NFASC: variants seen among roughly 807,000 people sequenced by gnomAD.
The protein encoded by NFASC is neurofascin, also known as neurofascin homolog.
A neutral mutation model predicts 147.5 loss-of-function variants in NFASC; 43 were observed. The observed-to-expected ratio is 0.29, with a 90% CI of 0.23 to 0.38. The LOEUF (loss-of-function observed/expected upper bound fraction) is 0.38. Ranked by LOEUF, NFASC falls within the 10% of genes least tolerant of loss-of-function variation. The pLI is 1.00. For missense variants in NFASC, 1,320 were observed against 1,689.0 expected (o/e 0.78, Z 3.83); for synonymous variants, 622 against 665.5 (o/e 0.93, Z 1.01).
chr1:204,850,234 A>G (rs564440659), intron 1 of NFASC, among the ~76,000 whole-genome samples: 5 of 152,106 alleles, frequency 3.3e-5, no homozygotes, highest in East Asian at 1.9e-4. Flanking sequence ...AGATTTTACA[A>G]CTCTGGGGGC....
intron 1 of NFASC, among the ~76,000 whole-genome samples, chr1:204,902,065 G>A (rs761397671): frequency 1.3e-5 from 2 of 152,262 alleles, no homozygotes; most frequent in South Asian, 2.1e-4. Flanking sequence ...AGGCCGAGGC[G>A]GGAGGATTGC....
intron 8 of NFASC, among the ~76,000 whole-genome samples, chr1:204,967,550 C>T (rs1023872302): frequency 3.9e-5 from 6 of 152,148 alleles, no homozygotes; most frequent in Non-Finnish European, 8.8e-5. Context: ...TCCAACTTGG[C>T]GGCCACTTTT....
intron 1 of NFASC, among the ~76,000 whole-genome samples, chr1:204,870,158 TC>T (rs988481124): frequency 3.8e-4 from 58 of 152,234 alleles, no homozygotes; most frequent in African/African-American, 1.3e-3. Flanking sequence ...AATAGTTTCA[TC>T]AGGGGAGGTT....
At chr1:204,836,843 T>C (rs964394618) in intron 1 of NFASC, among the ~76,000 whole-genome samples, 16 of 152,392 alleles carry the variant, frequency 1.0e-4, no homozygotes, top group African/African-American at 3.4e-4. Flanking sequence ...ACCAGGATTC[T>C]GTGGCTGGCC....
intron 1 of NFASC, among the ~76,000 whole-genome samples, chr1:204,863,108 G>T (rs189532174): frequency 3.9e-5 from 6 of 152,312 alleles, no homozygotes; most frequent in Admixed American, 2.6e-4. Flanking sequence ...GTTCTTTCGA[G>T]ATTTCAGAGG....
At chr1:204,921,656 T>C (rs981630585) in intron 2 of NFASC, among the ~76,000 whole-genome samples, 2 of 152,182 alleles carry the variant, frequency 1.3e-5, no homozygotes, top group Admixed American at 6.5e-5. Context: ...CTTTGTGACC[T>C]TGGGAACGCT....
chr1:204,969,513 G>A (rs1253333392), intron 10 of NFASC, among the ~76,000 whole-genome samples: 1 of 152,230 alleles, frequency 6.6e-6, no homozygotes, highest in African/African-American at 2.4e-5. Flanking sequence ...GTGGCAGGCT[G>A]CACTGGTCAC....
chr1:204,887,711 C>T (rs1159083803), intron 1 of NFASC, among the ~76,000 whole-genome samples: 1 of 151,308 alleles, frequency 6.6e-6, no homozygotes, highest in Non-Finnish European at 1.5e-5. Flanking sequence ...GTCCTCCCAC[C>T]TCAGCCTCCC....
chr1:204,942,542 C>A (rs1389678426), intron 2 of NFASC, among the ~76,000 whole-genome samples: 1 of 152,174 alleles, frequency 6.6e-6, no homozygotes, highest in Non-Finnish European at 1.5e-5. Flanking sequence ...TTAGAAATAA[C>A]AGCTTTGGTT....
intron 2 of NFASC, among the ~76,000 whole-genome samples, chr1:204,926,136 A>G (rs1573128133): frequency 1.3e-5 from 2 of 151,854 alleles, no homozygotes; most frequent in East Asian, 3.9e-4. Context: ...ATGTATTAAA[A>G]TTACAAATCC....
At chr1:204,893,484 A>G (rs1321608380) in intron 1 of NFASC, among the ~76,000 whole-genome samples, 1 of 152,240 alleles carries the variant, frequency 6.6e-6, no homozygotes, top group African/African-American at 2.4e-5. Context: ...TTTGAAGTAC[A>G]GAGAAAGGAA....
intron 27 of NFASC, among the ~76,000 whole-genome samples, chr1:205,005,595 A>G (rs1200980179): frequency 6.6e-6 from 1 of 152,228 alleles, no homozygotes; most frequent in African/African-American, 2.4e-5. Context: ...CCGATTGAGT[A>G]TGGTGTTGAC....
intron 1 of NFASC, among the ~76,000 whole-genome samples, chr1:204,860,779 A>G (rs978892872): frequency 1.3e-5 from 2 of 152,120 alleles, no homozygotes; most frequent in Admixed American, 1.3e-4. Flanking sequence ...ATCATTAATC[A>G]GTTTTTTCTC....
chr1:204,870,575 C>A, intron 1 of NFASC: 1 of 753,522 alleles, frequency 1.3e-6, no homozygotes, highest in Non-Finnish European at 1.6e-6. Flanking sequence ...CTGGCCCGGC[C>A]TGGTACGTCT....
chr1:204,996,254 C>T (rs1447930806), intron 24 of NFASC, among the ~76,000 whole-genome samples: 2 of 152,132 alleles, frequency 1.3e-5, no homozygotes, highest in Non-Finnish European at 2.9e-5. Context: ...CAATTCTGTG[C>T]CCCATGAAGA....
chr1:204,949,013 G>A (rs1242427302), intron 3 of NFASC, among the ~76,000 whole-genome samples: 2 of 152,228 alleles, frequency 1.3e-5, no homozygotes, highest in African/African-American at 4.8e-5. Flanking sequence ...ACGAGCTCCG[G>A]GGAGCATGTG....
intron 1 of NFASC, among the ~76,000 whole-genome samples, chr1:204,902,062 G>C (rs1416203063): frequency 6.6e-6 from 1 of 152,232 alleles, no homozygotes; most frequent in Non-Finnish European, 1.5e-5. Flanking sequence ...AGAAGGCCGA[G>C]GCGGGAGGAT....
chr1:204,860,298 A>G lies in NFASC; in HGVS notation c.-200+31516A>G, dbSNP rs530018199. On this transcript the variant is annotated intron_variant, in intron 1 of 29. Coordinates refer to ENST00000339876, the MANE Select transcript of NFASC (RefSeq NM_001005388.3). The stretch of plus-strand genomic sequence containing the variant: ...TCTCCCTGCAGGGGATCATTTTCCA[A>G]CATGCCTGTCTCTAGTCCTCATCAA... 2.6e-5 allele frequency among the ~76,000 whole-genome samples: 4 copies of G among 152,294 alleles called. No individual in the cohort carries two copies. In the East Asian group the frequency reaches 5.8e-4, roughly 22 times the overall value.
chr1:204,957,576 G>A (rs945342489), intron 7 of NFASC, 80 bp from the exon 8 acceptor site: 1 of 1,376,126 alleles, frequency 7.3e-7, no homozygotes, highest in African/African-American at 1.4e-5. Flanking sequence ...CCTCTGTAAA[G>A]TGTTCTGTCG....
Sources: gnomAD v4.1 joint callset for allele counts (sites outside exome capture counted in the v4.1 genomes callset) on GRCh38, gnomAD v4.1.1 for gene constraint, MANE v1.5 for transcripts, NCBI Gene and HGNC (gene_info 2026-07-23, HGNC 2026-07-21) for gene names.